DACH1: variants seen among roughly 807,000 people sequenced by gnomAD.
DACH1 encodes the protein dachshund family transcription factor 1.
In DACH1, 12 loss-of-function variants were observed where a neutral mutation model predicts 54.2. That is an observed-to-expected ratio of 0.22 (90% CI 0.14 to 0.36). The LOEUF (loss-of-function observed/expected upper bound fraction) is 0.36, where lower values mean the gene tolerates loss of function less well. Ranked by LOEUF, DACH1 falls within the 10% of genes least tolerant of loss-of-function variation. The probability of loss-of-function intolerance (pLI) is 1.00; values close to 1 mark genes in which losing one functional copy is unlikely to be tolerated. For missense variants in DACH1, 805 were observed against 929.8 expected, an observed-to-expected ratio of 0.87 and a Z score of 1.75; for synonymous variants, 386 against 366.2, an observed-to-expected ratio of 1.05 and a Z score of -0.62.
At position 71,812,521 on chromosome 13, in the gene DACH1, A is replaced by T. The variant is rs1887752226; in HGVS notation, c.848+53401T>A. Among the ~76,000 whole-genome samples the T allele has an allele frequency of 6.2e-5, 3 of 48,322 alleles. No individual in the cohort carries two copies. The South Asian group carries it at 1.6e-3, about 25-fold the overall frequency. 31.7% of individuals were successfully genotyped at this position (48,322 alleles called of 152,430 possible). On this transcript the variant is annotated intron_variant, in intron 1 of 10. Transcript: ENST00000613252. ...TGGTTAGAGGCATCAAAATGGCACCATCAGAAACACATCAAAATGGCACCA... is the reference window on the plus strand; with the variant it reads ...TGGTTAGAGGCATCAAAATGGCACCTTCAGAAACACATCAAAATGGCACCA...
At position 71,489,163 on chromosome 13, in the gene DACH1, A is replaced by G. The variant is rs541350459; in HGVS notation, c.1571-15T>C. ...CGGGGTCTCATCTGCATGTGATTGA[A>G]ACAAAAATATAGAACAAGTTACGCT... is the stretch of plus-strand genomic sequence containing the variant. On this transcript the variant is annotated splice_polypyrimidine_tract_variant and intron_variant, in intron 6 of 10. Transcript: ENST00000613252. The G allele has an allele frequency of 5.0e-6, 8 of 1,608,090 alleles. No individual in the cohort carries two copies. The Admixed American group carries it at 1.3e-4, about 27-fold the overall frequency.
chr13:71,843,056 G>A (rs910826621), intron 1 of DACH1, among the ~76,000 whole-genome samples: 9 of 151,956 alleles, frequency 5.9e-5, no homozygotes, highest in Non-Finnish European at 1.0e-4. Flanking sequence ...TTGCTATCCT[G>A]CATTATCTGA....
rs968561524 is a variant in DACH1 at position 71,462,899 on chromosome 13, CACACACACACACACACAT to C, written c.2083+12224_2083+12241del. On this transcript the variant is annotated intron_variant, in intron 10 of 10. Transcript: ENST00000613252. ...ACACACACACACACACACACACACACACACACACACACACACATAAACCATGAATACATATGCGTGTGT... is the reference window on the plus strand; with the variant it reads ...ACACACACACACACACACACACACACAAACCATGAATACATATGCGTGTGT... Among the ~76,000 whole-genome samples, 17 of 81,612 alleles carry C rather than the reference CACACACACACACACACAT, an allele frequency of 2.1e-4. No homozygotes were observed. The East Asian group carries it at 4.3e-3, about 21-fold the overall frequency. 53.5% of individuals were successfully genotyped at this position (81,612 alleles called of 152,430 possible).
intron 7 of DACH1, among the ~76,000 whole-genome samples, chr13:71,482,393 G>T (rs1006169232): frequency 2.0e-5 from 3 of 152,096 alleles, no homozygotes; most frequent in Admixed American, 6.5e-5. Flanking sequence ...CTTGATCCAT[G>T]TTTGTATTTA....
At chr13:71,514,718 A>G (rs990274723) in intron 6 of DACH1, among the ~76,000 whole-genome samples, 5 of 151,826 alleles carry the variant, frequency 3.3e-5, no homozygotes, top group East Asian at 1.9e-4. Flanking sequence ...ATCTCCTTCA[A>G]TGAAATGAAA....
At chr13:71,771,802 TCTCA>T (rs1365242511) in intron 1 of DACH1, among the ~76,000 whole-genome samples, 1 of 150,910 alleles carries the variant, frequency 6.6e-6, no homozygotes, top group East Asian at 1.9e-4. Flanking sequence ...ACACTCTTTA[TCTCA>T]CTAAGAAAAG....
At chr13:71,696,274 A>T (rs1881827599) in intron 1 of DACH1, among the ~76,000 whole-genome samples, 1 of 152,190 alleles carries the variant, frequency 6.6e-6, no homozygotes, top group African/African-American at 2.4e-5. Context: ...TGTAATTAAC[A>T]TTATGCTGAA....
At chr13:71,512,520 T>G (rs1470294659) in intron 6 of DACH1, among the ~76,000 whole-genome samples, 1 of 151,774 alleles carries the variant, frequency 6.6e-6, no homozygotes, top group Non-Finnish European at 1.5e-5. Context: ...AAGACCAAAT[T>G]CTTAATAAAG....
At chr13:71,603,930 G>T (rs1175674072) in intron 3 of DACH1, among the ~76,000 whole-genome samples, 1 of 151,766 alleles carries the variant, frequency 6.6e-6, no homozygotes, top group Non-Finnish European at 1.5e-5. Context: ...GAATGTCAGG[G>T]TAACTTTGAT....
intron 10 of DACH1, among the ~76,000 whole-genome samples, chr13:71,441,362 G>C (rs1873991879): frequency 6.6e-6 from 1 of 151,986 alleles, no homozygotes; most frequent in Non-Finnish European, 1.5e-5. Context: ...AAATCCATTT[G>C]AATGAAGCAC....
At chr13:71,662,789 T>G (rs548880556) in intron 2 of DACH1, among the ~76,000 whole-genome samples, 1 of 151,968 alleles carries the variant, frequency 6.6e-6, no homozygotes, top group Non-Finnish European at 1.5e-5. Flanking sequence ...TTTAAGCCAA[T>G]ATAAAAATGG....
intron 10 of DACH1, among the ~76,000 whole-genome samples, 177 bp from the exon 11 acceptor site, chr13:71,440,869 TTA>T (rs1267510763): frequency 2.4e-4 from 36 of 152,038 alleles, no homozygotes; most frequent in Non-Finnish European, 4.6e-4. Flanking sequence ...TACACTGAGT[TTA>T]TGTGACTGAA....
intron 2 of DACH1, among the ~76,000 whole-genome samples, chr13:71,674,440 T>TACACAC (rs57078245): frequency 4.6e-3 from 652 of 141,124 alleles, no homozygotes; most frequent in Non-Finnish European, 5.4e-3. Flanking sequence ...AGGGAGATTT[T>TACACAC]ACACACACAC....
chr13:71,546,472 G>C (rs2138345166), intron 6 of DACH1, among the ~76,000 whole-genome samples: 1 of 151,878 alleles, frequency 6.6e-6, no homozygotes, highest in South Asian at 2.1e-4. Flanking sequence ...TGAAATTATA[G>C]AACATTAAAA....
intron 8 of DACH1, among the ~76,000 whole-genome samples, chr13:71,478,894 TAAAG>T (rs1389536112): frequency 6.6e-6 from 1 of 152,174 alleles, no homozygotes; most frequent in Non-Finnish European, 1.5e-5. Flanking sequence ...ATTCTTATCT[TAAAG>T]AACATGAATT....
intron 6 of DACH1, among the ~76,000 whole-genome samples, chr13:71,507,699 T>C (rs1184122025): frequency 6.6e-6 from 1 of 152,108 alleles, no homozygotes; most frequent in Non-Finnish European, 1.5e-5. Context: ...AAGAGAACAA[T>C]TATAATTCCA....
intron 1 of DACH1, among the ~76,000 whole-genome samples, chr13:71,778,551 T>TA (rs150263828): frequency 0.041 from 6,197 of 152,046 alleles, 435 homozygotes; most frequent in African/African-American, 0.14. Flanking sequence ...AAAAATCTAG[T>TA]AAAAAAATCT....
intron 1 of DACH1, among the ~76,000 whole-genome samples, chr13:71,728,781 T>C (rs1883601207): frequency 6.6e-6 from 1 of 152,000 alleles, no homozygotes; most frequent in African/African-American, 2.4e-5. Flanking sequence ...TACATTTCAG[T>C]TTTCTCAGCA....
chr13:71,597,796 T>C (rs1169158992), intron 3 of DACH1, among the ~76,000 whole-genome samples: 1 of 152,128 alleles, frequency 6.6e-6, no homozygotes, highest in African/African-American at 2.4e-5. Context: ...GAGGCCCTAT[T>C]ATTAACAAGA....
Sources: allele counts gnomAD v4.1 joint callset (sites outside exome capture counted in the v4.1 genomes callset), GRCh38; gene constraint gnomAD v4.1.1; transcripts MANE v1.5; gene names NCBI Gene and HGNC (gene_info 2026-07-23, HGNC 2026-07-21).